Variants in RNF135 observed in about 807,000 individuals in gnomAD.
The protein encoded by RNF135 is E3 ubiquitin-protein ligase RNF135.
Under a neutral mutation model 41.9 loss-of-function variants are expected in RNF135, and 46 were observed. That is an observed-to-expected ratio of 1.10 (90% CI 0.87 to 1.40). The LOEUF is 1.40. Ranked by LOEUF, RNF135 falls within the 40% of genes most tolerant of loss-of-function variation. RNF135 has a pLI of 0.00. For missense variants in RNF135, 539 were observed against 549.8 expected, an observed-to-expected ratio of 0.98 and a Z score of 0.20; for synonymous variants, 238 against 223.8, an observed-to-expected ratio of 1.06 and a Z score of -0.57.
intron 3 of RNF135, among the ~76,000 whole-genome samples, chr17:30,988,521 G>A (rs1404594078): frequency 5.9e-5 from 8 of 134,862 alleles, no homozygotes; most frequent in Admixed American, 1.7e-4. Flanking sequence ...TCTGCCTCCT[G>A]GGTTCATGCC....
intron 2 of RNF135, among the ~76,000 whole-genome samples, chr17:30,987,243 T>TG (rs560569027): frequency 1.5e-4 from 23 of 152,104 alleles, no homozygotes; most frequent in Middle Eastern, 3.4e-3. Flanking sequence ...TTTTTTTTTT[T>TG]TGTGAAATGG....
intron 1 of RNF135, chr17:30,971,836 G>A (rs1905987703): frequency 3.9e-6 from 2 of 519,470 alleles, no homozygotes; most frequent in Admixed American, 6.1e-5. Context: ...CAGGCTGGAT[G>A]GAGTGCAATG....
At chr17:30,987,856 T>C in intron 2 of RNF135, 88 bp from the exon 3 acceptor site, 1 of 1,284,908 alleles carries the variant, frequency 7.8e-7, no homozygotes, top group Non-Finnish European at 1.1e-6. Flanking sequence ...AATAGAAAAT[T>C]ATAGATGAAT....
upstream of RNF135, chr17:30,970,883 A>C: frequency 1.3e-6 from 1 of 775,826 alleles, no homozygotes; most frequent in Non-Finnish European, 2.0e-6. Flanking sequence ...CTGTCTTTCC[A>C]GCTGGGCACT....
the RNF135 span, among the ~76,000 whole-genome samples, chr17:30,962,255 C>T: frequency 3.9e-5 from 6 of 152,022 alleles, no homozygotes; most frequent in South Asian, 1.2e-3. Flanking sequence ...GCCTCTGCCT[C>T]CCAAGTAGCT....
At chr17:30,986,908 A>T (rs1907628177) in intron 2 of RNF135, among the ~76,000 whole-genome samples, 3 of 152,230 alleles carry the variant, frequency 2.0e-5, no homozygotes, top group African/African-American at 7.2e-5. Context: ...GATTTTTTAC[A>T]GGTTGATAAA....
intron 3 of RNF135, among the ~76,000 whole-genome samples, chr17:30,991,934 ATTT>A (rs369208967): frequency 7.1e-6 from 1 of 140,122 alleles, no homozygotes. Context: ...AATTTATGTA[ATTT>A]TTTTTTTTTT....
intron 1 of RNF135, among the ~76,000 whole-genome samples, chr17:30,982,228 A>G (rs942830700): frequency 1.3e-5 from 2 of 152,132 alleles, no homozygotes; most frequent in African/African-American, 4.8e-5. Flanking sequence ...CTGCCTTTCA[A>G]GTTTATTTAG....
chr17:30,966,207 G>A (rs1401738500), upstream of RNF135, among the ~76,000 whole-genome samples: 1 of 151,992 alleles, frequency 6.6e-6, no homozygotes, highest in African/African-American at 2.4e-5. Context: ...TTCCTTCCAC[G>A]GTTAGCTTGG....
At chr17:30,962,667 C>T in the RNF135 span, among the ~76,000 whole-genome samples, 4,311 of 149,146 alleles carry the variant, frequency 0.029, 81 homozygotes, top group Middle Eastern at 0.056. Flanking sequence ...GGTTTCACCA[C>T]GTTACCCAGG....
At chr17:30,964,312 C>A in the RNF135 span, among the ~76,000 whole-genome samples, 2 of 148,412 alleles carry the variant, frequency 1.3e-5, no homozygotes, top group African/African-American at 5.1e-5. Context: ...TCGCTTGAAC[C>A]CGGGAGGCAA....
chr17:30,975,740 C>T, intron 1 of RNF135: 1 of 1,320,038 alleles, frequency 7.6e-7, no homozygotes, highest in South Asian at 1.2e-5. Context: ...CCTGATTGGC[C>T]TGGTGTACAT....
chr17:30,977,348 C>T (rs7220071), intron 1 of RNF135, among the ~76,000 whole-genome samples: 26,634 of 151,986 alleles, frequency 0.18, 7,302 homozygotes, highest in African/African-American at 0.59. Context: ...TTTCTGTGAC[C>T]TTACTATTAC....
upstream of RNF135, chr17:30,970,846 G>C: frequency 1.6e-6 from 1 of 619,904 alleles, no homozygotes; most frequent in African/African-American, 1.9e-5. Context: ...GTTTCCCAGG[G>C]CAAGAGGCCG....
Position 30,998,722 on chromosome 17 carries a change from A to G in RNF135, c.830A>G (p.Asp277Gly), listed in dbSNP as rs140020459. The G allele has an allele frequency of 5.6e-6, 9 of 1,613,562 alleles. No individual in the cohort carries two copies. The highest frequency in any genetic ancestry group is 7.6e-6 in the Non-Finnish European group (9 of 1,179,896). ...SLSCSLEVSK[D>G]SRTVTVSHRP... is the part of the protein sequence containing the mutation. ...TCCTGCAGCCTGGAGGTGTCCAAGG[A>G]TTCCCGTACAGTGACTGTGTCTCAC... Residue 277 changes from aspartate (D) to glycine (G), a missense_variant, in exon 5 of 5, where the codon GAT becomes GGT. Asp to Gly is a moderately conservative substitution (Grantham distance 94). Coordinates refer to ENST00000328381, the MANE Select transcript of RNF135 (RefSeq NM_032322.4).
the RNF135 span, among the ~76,000 whole-genome samples, chr17:30,960,070 G>T: frequency 6.6e-6 from 1 of 151,732 alleles, no homozygotes; most frequent in Non-Finnish European, 1.5e-5. Context: ...CAGAACCAAT[G>T]ATATACATAT....
chr17:30,984,858 A>G (rs749605700), intron 2 of RNF135, 98 bp downstream of exon 2: 5 of 1,261,466 alleles, frequency 4.0e-6, no homozygotes, highest in Non-Finnish European at 5.8e-6. Flanking sequence ...TGAAGGATAC[A>G]ATAAGTCTCA....
At chr17:30,974,021 A>C (rs1906227322) in intron 1 of RNF135, among the ~76,000 whole-genome samples, 1 of 151,932 alleles carries the variant, frequency 6.6e-6, no homozygotes, top group East Asian at 1.9e-4. Context: ...TTTCATCTAG[A>C]GATGAAACCC....
intron 1 of RNF135, among the ~76,000 whole-genome samples, chr17:30,983,351 ATATT>A (rs1375117869): frequency 7.4e-4 from 31 of 42,020 alleles, no homozygotes; most frequent in African/African-American, 2.1e-3. Context: ...ATATATATAT[ATATT>A]TTTTTTTTTT....
Sources: allele counts gnomAD v4.1 joint callset (sites outside exome capture counted in the v4.1 genomes callset), GRCh38; gene constraint gnomAD v4.1.1; transcripts MANE v1.5; gene names NCBI Gene and HGNC (gene_info 2026-07-23, HGNC 2026-07-21).